IMPA1: variants seen among roughly 807,000 people sequenced by gnomAD.
IMPA1 encodes inositol monophosphatase 1, also known as D-galactose 1-phosphate phosphatase.
A neutral mutation model predicts 34.9 loss-of-function variants in IMPA1; 21 were observed. The observed-to-expected ratio is 0.60, with a 90% CI of 0.43 to 0.87. IMPA1 has a LOEUF of 0.87. Among genes scored for constraint, IMPA1 ranks in the 40% least tolerant of loss-of-function variants. The pLI, the probability that IMPA1 is intolerant of heterozygous loss-of-function variation, is 0.00. For synonymous variants in IMPA1, 95 were observed against 104.4 expected (o/e 0.91, Z 0.55); for missense variants, 299 against 336.4 (o/e 0.89, Z 0.87).
chr8:81,681,302 G>A lies in IMPA1; in HGVS notation c.63+196C>T, dbSNP rs181832622. 5.5e-4 allele frequency among the ~76,000 whole-genome samples: 84 copies of A among 152,252 alleles called. No individual in the cohort carries two copies. In the East Asian group the frequency reaches 0.014, roughly 26 times the overall value. ...CCAGCTACTCAGGAGGCTGAAGTGG[G>A]AGGATTACTTGAGCCCAGCCTGGGA... On this transcript the variant is annotated intron_variant, in intron 2 of 8. Transcript: ENST00000256108.
At chr8:81,675,803 A>G (rs568955047) in intron 5 of IMPA1, among the ~76,000 whole-genome samples, 1 of 152,274 alleles carries the variant, frequency 6.6e-6, no homozygotes, top group South Asian at 2.1e-4. Flanking sequence ...TAGGTTCCTA[A>G]AGAGAGTCTG....
chr8:81,662,656 C>T (rs970064811), intron 7 of IMPA1, among the ~76,000 whole-genome samples: 16 of 148,978 alleles, frequency 1.1e-4, no homozygotes, highest in Non-Finnish European at 2.2e-4. Context: ...AGTTTGCTCC[C>T]ATGTCATGTC....
chr8:81,660,554 A>G lies in IMPA1; in HGVS notation c.680T>C (p.Ile227Thr). ...HCWDVAGAGI[I>T]VTEAGGVLMD... is the part of the protein sequence containing the mutation. ...TAGCACGCCACCAGCTTCAGTAACA[A>G]TAATGCCAGCTCCTGCAACATCCCA... is the stretch of plus-strand genomic sequence containing the variant. Residue 227 changes from isoleucine (I) to threonine (T), a missense_variant, in exon 8 of 9, where the codon ATT becomes ACT. Transcript: ENST00000256108. 1 of 1,613,906 alleles carries G rather than the reference A, an allele frequency of 6.2e-7. No homozygotes were observed.
At position 81,660,706 on chromosome 8, in the gene IMPA1, A is replaced by G. The variant is rs780274905; in HGVS notation, c.567-39T>C. The G allele has an allele frequency of 1.9e-6, 3 of 1,556,600 alleles. No individual in the cohort carries two copies. The East Asian group carries it at 6.8e-5, about 35-fold the overall frequency. On this transcript the variant is annotated intron_variant, in intron 7 of 8. Coordinates refer to ENST00000256108, the MANE Select transcript of IMPA1 (RefSeq NM_005536.4). ...TTTAGAAATAAAATTGGAAAAAATA[A>G]TCCTTTCAAGTAAGATATTCCTCCT... is the stretch of plus-strand genomic sequence containing the variant.
rs1224852986 is a variant in IMPA1 at position 81,657,357 on chromosome 8, C to T, written c.*1994G>A. Among the ~76,000 whole-genome samples, 2 of 151,306 alleles carry T rather than the reference C, an allele frequency of 1.3e-5. No individual in the cohort carries two copies. Among genetic ancestry groups the T allele is most frequent in the East Asian group, 2.0e-4 (1 of 5,116 alleles). ...ATCCCAGCACTTTAGAAGGCTGAGG[C>T]AGGAGGATCACTTGAGCCCAATGAG... On this transcript the variant is annotated 3_prime_UTR_variant, in exon 9 of 9. Transcript: ENST00000256108.
intron 7 of IMPA1, among the ~76,000 whole-genome samples, chr8:81,669,797 C>T (rs1806936473): frequency 6.6e-6 from 1 of 152,166 alleles, no homozygotes; most frequent in African/African-American, 2.4e-5. Context: ...CTCCAAAACT[C>T]ATATGGAAAC....
chr8:81,678,949 A>G (rs940100752), intron 4 of IMPA1, among the ~76,000 whole-genome samples, 177 bp downstream of exon 4: 6 of 152,234 alleles, frequency 3.9e-5, no homozygotes, highest in African/African-American at 1.4e-4. Flanking sequence ...TCCATATCTG[A>G]TAAGTCTGCA....
At chr8:81,670,825 CT>C in intron 7 of IMPA1, 113 bp downstream of exon 7, 1 of 554,174 alleles carries the variant, frequency 1.8e-6, no homozygotes, top group Non-Finnish European at 3.2e-6. Context: ...TCTCCCTATT[CT>C]TTAGAAACCA....
intron 7 of IMPA1, among the ~76,000 whole-genome samples, chr8:81,667,444 T>C (rs1052811204): frequency 5.3e-5 from 8 of 152,168 alleles, no homozygotes; most frequent in Non-Finnish European, 5.9e-5. Flanking sequence ...TATTAGGTCA[T>C]GAGGGCTTTG....
chr8:81,663,766 G>A (rs191169459), intron 7 of IMPA1, among the ~76,000 whole-genome samples: 70 of 152,238 alleles, frequency 4.6e-4, no homozygotes, highest in Middle Eastern at 6.8e-3. Context: ...ATGGCGGGGC[G>A]CAGTGGCTCA....
intron 3 of IMPA1, 126 bp from the exon 4 acceptor site, chr8:81,679,356 G>A: frequency 1.5e-6 from 1 of 666,676 alleles, no homozygotes; most frequent in Non-Finnish European, 2.7e-6. Flanking sequence ...GTTCACGCCT[G>A]TAATCCCAGC....
chr8:81,681,669 T>G, intron 1 of IMPA1, 85 bp from the exon 2 acceptor site: 1 of 764,240 alleles, frequency 1.3e-6, no homozygotes, highest in Non-Finnish European at 2.2e-6. Context: ...AAACAGACTG[T>G]CATTTCAGGA....
intron 7 of IMPA1, among the ~76,000 whole-genome samples, chr8:81,668,862 T>TG (rs1017713690): frequency 6.6e-6 from 1 of 152,092 alleles, no homozygotes; most frequent in African/African-American, 2.4e-5. Context: ...AATGGTTTCA[T>TG]GGAACAGGCC....
At chr8:81,661,603 C>T (rs1806672957) in intron 7 of IMPA1, among the ~76,000 whole-genome samples, 1 of 152,118 alleles carries the variant, frequency 6.6e-6, no homozygotes. Context: ...AAGACAAAGA[C>T]TAAGCAAGTT....
At chr8:81,675,433 T>C (rs562621275) in intron 5 of IMPA1, among the ~76,000 whole-genome samples, 1 of 152,274 alleles carries the variant, frequency 6.6e-6, no homozygotes, top group Non-Finnish European at 1.5e-5. Flanking sequence ...TGTTCACACA[T>C]CTAACTTTGT....
chr8:81,665,009 C>A (rs1240016288), intron 7 of IMPA1, among the ~76,000 whole-genome samples: 1 of 151,972 alleles, frequency 6.6e-6, no homozygotes, highest in Non-Finnish European at 1.5e-5. Context: ...CACAGAAAGG[C>A]ACAACTGGCA....
intron 6 of IMPA1, among the ~76,000 whole-genome samples, chr8:81,673,127 C>T (rs1404410950): frequency 1.3e-5 from 2 of 152,154 alleles, no homozygotes; most frequent in Non-Finnish European, 2.9e-5. Context: ...AGATCTTTAC[C>T]CTAAAACAGT....
Position 81,658,740 on chromosome 8 carries a change from G to C in IMPA1, c.*611C>G, listed in dbSNP as rs1017059326. ...ACTTCAAACCTGAAGCAAAAGTACA[G>C]AATGCTGAGTTCATTACTTTATGTA... On this transcript the variant is annotated 3_prime_UTR_variant, in exon 9 of 9. Transcript: ENST00000256108. 2 of 152,524 alleles carry C rather than the reference G, an allele frequency of 1.3e-5. No homozygotes were observed. Among genetic ancestry groups the C allele is most frequent in the African/African-American group, 4.8e-5 (2 of 41,442 alleles). 9.4% of individuals were successfully genotyped at this position (152,524 alleles called of 1,614,324 possible).
intron 1 of IMPA1, among the ~76,000 whole-genome samples, chr8:81,683,947 C>T (rs1807379088): frequency 6.6e-6 from 1 of 152,054 alleles, no homozygotes; most frequent in Non-Finnish European, 1.5e-5. Context: ...GTATATGGGG[C>T]AAGACCCCTT....
Sources: gnomAD v4.1 joint callset for allele counts (sites outside exome capture counted in the v4.1 genomes callset) on GRCh38, gnomAD v4.1.1 for gene constraint, MANE v1.5 for transcripts, NCBI Gene and HGNC (gene_info 2026-07-23, HGNC 2026-07-21) for gene names.